AFF1: variants seen among roughly 807,000 people sequenced by gnomAD.
The protein encoded by AFF1 is AF4/FMR2 family member 1.
A neutral mutation model predicts 121.7 loss-of-function variants in AFF1; 48 were observed. The observed-to-expected ratio is 0.39, with a 90% confidence interval of 0.31 to 0.50. AFF1 has a LOEUF of 0.50. Among genes scored for constraint, AFF1 ranks in the 20% least tolerant of loss-of-function variants. The pLI, the probability that AFF1 is intolerant of heterozygous loss-of-function variation, is 0.76. For missense variants in AFF1, 1,523 were observed against 1,511.7 expected, an observed-to-expected ratio of 1.01 and a Z score of -0.12; for synonymous variants, 613 against 563.0, an observed-to-expected ratio of 1.09 and a Z score of -1.26.
chr4:87,065,810 C>G (rs75420061), intron 4 of AFF1, among the ~76,000 whole-genome samples: 3 of 145,340 alleles, frequency 2.1e-5, no homozygotes, highest in Non-Finnish European at 3.0e-5. Context: ...TTTCCCCCCC[C>G]TTTCTCTGTG....
intron 5 of AFF1, among the ~76,000 whole-genome samples, chr4:87,087,629 AG>A (rs1723866682): frequency 6.6e-6 from 1 of 152,184 alleles, no homozygotes; most frequent in South Asian, 2.1e-4. Context: ...TAATGGCCCC[AG>A]TTCTCTTAAG....
intron 2 of AFF1, among the ~76,000 whole-genome samples, chr4:86,991,138 TCAAAACAAAAAA>T (rs768937960): frequency 5.4e-5 from 8 of 147,290 alleles, no homozygotes; most frequent in Non-Finnish European, 8.9e-5. Flanking sequence ...AGACTCTGTC[TCAAAACAAAAAA>T]CAAAACAAAA....
At position 87,137,072 on chromosome 4, in the gene AFF1, C is replaced by CA; in HGVS notation, c.*1372dup. On this transcript the variant is annotated 3_prime_UTR_variant, in exon 21 of 21. Coordinates refer to ENST00000395146, the MANE Select transcript of AFF1 (RefSeq NM_001166693.3). The stretch of plus-strand genomic sequence containing the variant: ...ATCAGAAATCCCATGTGCCCATAAG[C>CA]ACAGATTTTTCTTTTTCATTGAAAC... 4.5e-6 allele frequency: 1 copy of CA among 224,488 alleles called. No homozygotes were observed. The highest frequency in any genetic ancestry group is 8.9e-6 in the Non-Finnish European group (1 of 112,404). The allele number at this position is 224,488 out of a possible 1,614,324, so 13.9% of individuals were successfully genotyped here.
At chr4:87,039,360 C>T (rs925068393) in intron 2 of AFF1, among the ~76,000 whole-genome samples, 3 of 152,160 alleles carry the variant, frequency 2.0e-5, no homozygotes, top group Non-Finnish European at 2.9e-5. Context: ...GACTAAATGA[C>T]TGTATTGAGG....
rs1729381244 is a variant in AFF1, at chr4:87,137,325, G to A, written c.*1624G>A. 1 of 227,264 alleles carries A rather than the reference G, an allele frequency of 4.4e-6. No homozygotes were observed. Among genetic ancestry groups the A allele is most frequent in the Non-Finnish European group, 8.8e-6 (1 of 114,046 alleles). 14.1% of individuals were successfully genotyped at this position (227,264 alleles called of 1,614,324 possible). A position where few individuals can be genotyped will look rare whatever the true frequency, so the allele number is the denominator to read the frequency against. The stretch of plus-strand genomic sequence containing the variant: ...AGGGAGAACCATATTTATTTATAAT[G>A]AAGACATCTAAGATCCCTATGATGA... On this transcript the variant is annotated 3_prime_UTR_variant, in exon 21 of 21. Coordinates refer to ENST00000395146, the MANE Select transcript of AFF1 (RefSeq NM_001166693.3).
intron 12 of AFF1, among the ~76,000 whole-genome samples, chr4:87,117,433 G>T (rs1427281397): frequency 6.6e-6 from 1 of 152,126 alleles, no homozygotes; most frequent in Non-Finnish European, 1.5e-5. Context: ...TCCAAACCCC[G>T]GCTACACATT....
Position 87,034,712 on chromosome 4 carries a change from C to G in AFF1, c.39-11454C>G, listed in dbSNP as rs116320651. On this transcript the variant is annotated intron_variant, in intron 2 of 20. Coordinates refer to ENST00000395146, the MANE Select transcript of AFF1 (RefSeq NM_001166693.3). ...ACGTGGTGTTAGCTGAGGCAACTCT[C>G]TTGGTCCATCTAAGAAAGGGTGTTG... Among the ~76,000 whole-genome samples, 727 of 152,286 alleles carry G rather than the reference C, an allele frequency of 4.8e-3. 5 individuals carry two copies. Among genetic ancestry groups the G allele is most frequent in the African/African-American group, 0.017 (693 of 41,560 alleles).
In AFF1 at chr4:87,115,028, G is replaced by A. The variant is rs760180017; in HGVS notation, c.2195G>A (p.Arg732His). The change falls in exon 12 of 21, where the codon CGC becomes CAC. Residue 732 changes from arginine to histidine, a missense_variant. By Grantham distance (29) the Arg-to-His change is conservative. Coordinates refer to ENST00000395146, the MANE Select transcript of AFF1 (RefSeq NM_001166693.3). ...AGCGGCAGCAGGACTAGTGGCTGCC[G>A]CCAAGCCGTGGTGGTCCAGGAGGAC... Reference protein sequence around the residue: ...SGSGSRTSGCRQAVVVQEDSR... With the variant: ...SGSGSRTSGCHQAVVVQEDSR... 1.1e-4 allele frequency: 182 copies of A among 1,609,568 alleles called. No homozygotes were observed. In the East Asian group the frequency reaches 1.5e-3, roughly 13 times the overall value.
At chr4:87,108,014 C>T (rs1162549659) in intron 10 of AFF1, 145 bp from the exon 11 acceptor site, 1 of 758,960 alleles carries the variant, frequency 1.3e-6, no homozygotes, top group East Asian at 2.8e-5. Flanking sequence ...TACTTTGGGC[C>T]TCTCTCAGTT....
intron 4 of AFF1, among the ~76,000 whole-genome samples, chr4:87,072,507 T>G (rs1722187038): frequency 6.6e-6 from 1 of 151,700 alleles, no homozygotes; most frequent in African/African-American, 2.4e-5. Flanking sequence ...CCCCTTGTAT[T>G]TATTTATTAT....
intron 2 of AFF1, among the ~76,000 whole-genome samples, chr4:86,955,061 A>G (rs1044014259): frequency 6.6e-6 from 1 of 152,164 alleles, no homozygotes; most frequent in African/African-American, 2.4e-5. Flanking sequence ...TGTGACTGTC[A>G]TCTACCCTCC....
At chr4:87,011,320 A>C (rs1342889787) in intron 2 of AFF1, among the ~76,000 whole-genome samples, 1 of 152,224 alleles carries the variant, frequency 6.6e-6, no homozygotes, top group Non-Finnish European at 1.5e-5. Flanking sequence ...GAATTTGTCT[A>C]AAATTAATGA....
At chr4:87,051,997 G>C (rs1212850265) in intron 4 of AFF1, among the ~76,000 whole-genome samples, 1 of 152,158 alleles carries the variant, frequency 6.6e-6, no homozygotes, top group Non-Finnish European at 1.5e-5. Context: ...AAAAATGGTG[G>C]TCAGCACAGG....
chr4:87,045,904 C>T (rs1240323298), intron 2 of AFF1, among the ~76,000 whole-genome samples: 1 of 152,084 alleles, frequency 6.6e-6, no homozygotes, highest in East Asian at 1.9e-4. Context: ...GGAACCAGTC[C>T]TGAGCCATGA....
Position 87,138,024 on chromosome 4 carries a change from G to C in AFF1, c.*2323G>C. ...TGCTTTTTCAGTGGCCTTACTCTTT[G>C]TGGGTTTTTTTTTTTTTCTCTGAAC... is the stretch of plus-strand genomic sequence containing the variant. On this transcript the variant is annotated 3_prime_UTR_variant, in exon 21 of 21. Coordinates refer to ENST00000395146, the MANE Select transcript of AFF1 (RefSeq NM_001166693.3). 1 of 208,010 alleles carries C rather than the reference G, an allele frequency of 4.8e-6. No individual in the cohort carries two copies. The highest frequency in any genetic ancestry group is 6.2e-5 in the East Asian group (1 of 16,032). 12.9% of individuals were successfully genotyped at this position (208,010 alleles called of 1,614,324 possible). A position where few individuals can be genotyped will look rare whatever the true frequency, so the allele number is the denominator to read the frequency against.
At chr4:87,130,822 G>A (rs532570406) in intron 16 of AFF1, among the ~76,000 whole-genome samples, 2 of 152,340 alleles carry the variant, frequency 1.3e-5, no homozygotes, top group East Asian at 1.9e-4. Context: ...CTTAGTTTGC[G>A]TATGTGCTTT....
intron 4 of AFF1, among the ~76,000 whole-genome samples, chr4:87,058,276 C>G (rs951200144): frequency 6.6e-6 from 1 of 152,122 alleles, no homozygotes; most frequent in African/African-American, 2.4e-5. Flanking sequence ...GTAATGATGG[C>G]TTATGTACAC....
chr4:86,982,297 C>G (rs1236536664), intron 2 of AFF1, among the ~76,000 whole-genome samples: 1 of 147,782 alleles, frequency 6.8e-6, no homozygotes. Flanking sequence ...GGGAGTACAA[C>G]AGTTTGCTAA....
chr4:86,996,152 C>T (rs534998555), intron 2 of AFF1, among the ~76,000 whole-genome samples: 6 of 152,182 alleles, frequency 3.9e-5, no homozygotes, highest in South Asian at 2.1e-4. Flanking sequence ...AGGTGAGGGG[C>T]ACCTCTGCCC....
Sources: allele counts gnomAD v4.1 joint callset (sites outside exome capture counted in the v4.1 genomes callset), GRCh38; gene constraint gnomAD v4.1.1; transcripts MANE v1.5; gene names NCBI Gene and HGNC (gene_info 2026-07-23, HGNC 2026-07-21).